Variants in EIF3D observed in about 807,000 individuals in gnomAD.
The protein encoded by EIF3D is eIF3 p66.
A neutral mutation model predicts 75.4 loss-of-function variants in EIF3D; 10 were observed. The observed-to-expected ratio is 0.13, with a 90% CI of 0.08 to 0.22. The LOEUF is 0.22. Ranked by LOEUF, EIF3D falls within the 10% of genes least tolerant of loss-of-function variation. The pLI is 1.00. For synonymous variants in EIF3D, 246 were observed against 248.3 expected (o/e 0.99, Z 0.09); for missense variants, 394 against 708.0 (o/e 0.56, Z 5.03).
chr22:36,518,455 C>T (rs1603498870), intron 9 of EIF3D, among the ~76,000 whole-genome samples: 1 of 151,448 alleles, frequency 6.6e-6, no homozygotes, highest in Non-Finnish European at 1.5e-5. Context: ...CGCCACTGCA[C>T]TCCAGCCTGG....
chr22:36,525,758 TTTC>T, intron 2 of EIF3D, 49 bp from the exon 3 acceptor site: 1 of 1,594,534 alleles, frequency 6.3e-7, no homozygotes. Context: ...ACCAGGCAAG[TTTC>T]TGCAGAACCA....
intron 6 of EIF3D, among the ~76,000 whole-genome samples, chr22:36,522,345 ACT>A (rs1934527012): frequency 1.3e-5 from 2 of 152,060 alleles, no homozygotes; most frequent in Non-Finnish European, 1.5e-5. Context: ...ACAGAGCAAG[ACT>A]CTGTCTCAAA....
intron 5 of EIF3D, among the ~76,000 whole-genome samples, 184 bp from the exon 6 acceptor site, chr22:36,523,465 C>A (rs1410254137): frequency 6.6e-6 from 1 of 152,200 alleles, no homozygotes; most frequent in African/African-American, 2.4e-5. Context: ...AGAAAAGGTA[C>A]ACTGCCTCCA....
intron 5 of EIF3D, 60 bp downstream of exon 5, chr22:36,523,835 G>A: frequency 6.7e-7 from 1 of 1,501,500 alleles, no homozygotes; most frequent in Non-Finnish European, 9.3e-7. Context: ...TTGGTCCTGT[G>A]GTTTCCAAAT....
chr22:36,523,101 C>T (rs905792657), intron 6 of EIF3D, 108 bp downstream of exon 6: 1 of 933,842 alleles, frequency 1.1e-6, no homozygotes, highest in Admixed American at 1.8e-5. Context: ...ATATTAAAAA[C>T]CACTAAATTG....
Position 36,518,881 on chromosome 22 carries a change from G to A in EIF3D, c.741C>T (p.Ala247=). 6.2e-7 allele frequency: 1 copy of A among 1,614,116 alleles called. No homozygotes were observed. The highest frequency in any genetic ancestry group is 1.1e-5 in the South Asian group (1 of 91,086). ...KLAKTQGNVF[A]TDAILATLMS... is the part of the protein sequence containing the mutation. ...TCAGCGTGGCCAGGATGGCATCAGT[G>A]GCAAACACATTCCCCTGAGTTTTTG... The change falls in exon 9 of 15, where the codon GCC becomes GCT. Residue 247 remains alanine, a synonymous_variant. Coordinates refer to ENST00000216190, the MANE Select transcript of EIF3D (RefSeq NM_003753.4).
At chr22:36,516,916 C>G in intron 10 of EIF3D, 126 bp from the exon 11 acceptor site, 6 of 816,944 alleles carry the variant, frequency 7.3e-6, no homozygotes. Context: ...TGATGGGGCT[C>G]TGAGCTCGCT....
chr22:36,526,628 G>C (rs1171753830), intron 1 of EIF3D, among the ~76,000 whole-genome samples: 3 of 128,714 alleles, frequency 2.3e-5, no homozygotes, highest in Non-Finnish European at 3.3e-5. Context: ...TTTTTTTTGA[G>C]ACAGAGTCTC....
At chr22:36,511,175 G>T in intron 14 of EIF3D, 175 bp from the exon 15 acceptor site, 1 of 866,442 alleles carries the variant, frequency 1.2e-6, no homozygotes, top group Non-Finnish European at 1.7e-6. Context: ...CCAGCTGGTG[G>T]AGCAGGAGAG....
chr22:36,520,428 T>C (rs1934494759), intron 7 of EIF3D, 148 bp downstream of exon 7: 2 of 526,840 alleles, frequency 3.8e-6, no homozygotes, highest in Non-Finnish European at 6.5e-6. Context: ...TTGATTTTTT[T>C]CAAATACCTC....
chr22:36,512,182 G>T (rs553687974), intron 13 of EIF3D, among the ~76,000 whole-genome samples: 7 of 152,226 alleles, frequency 4.6e-5, no homozygotes, highest in Non-Finnish European at 8.8e-5. Flanking sequence ...GAGCCACCGC[G>T]CCCGGCAGTC....
intron 1 of EIF3D, among the ~76,000 whole-genome samples, chr22:36,528,529 G>C (rs938547355): frequency 1.3e-4 from 19 of 150,296 alleles, no homozygotes; most frequent in African/African-American, 4.8e-4. Context: ...GGTTCCAAGA[G>C]GGCACTCAGA....
At position 36,510,892 on chromosome 22, in the gene EIF3D, A is replaced by G; in HGVS notation, c.*95T>C. On this transcript the variant is annotated 3_prime_UTR_variant, in exon 15 of 15. Coordinates refer to ENST00000216190, the MANE Select transcript of EIF3D (RefSeq NM_003753.4). ...AGATATATATTTTATTTCATCTGCT[A>G]AATGTCAGAGAGCAAGTTAGACACA... The G allele has an allele frequency of 7.1e-7, 1 of 1,400,746 alleles. No homozygotes were observed. Among genetic ancestry groups the G allele is most frequent in the South Asian group, 1.4e-5 (1 of 69,962 alleles). 86.8% of individuals were successfully genotyped at this position (1,400,746 alleles called of 1,614,324 possible).
At chr22:36,511,189 A>G (rs1934328092) in intron 14 of EIF3D, 189 bp from the exon 15 acceptor site, 2 of 834,452 alleles carry the variant, frequency 2.4e-6, no homozygotes, top group East Asian at 5.4e-5. Flanking sequence ...AGGAGAGACA[A>G]CTTTCAGGCT....
rs781192903 is a variant in EIF3D, at chr22:36,523,300, GA to G, written c.393-20del. ...GCGTTCTCTGGAAAGACAGACATATGATCTCAGTGCAGACCTTTAAACCAGT... is the reference window on the plus strand; with the variant it reads ...GCGTTCTCTGGAAAGACAGACATATGTCTCAGTGCAGACCTTTAAACCAGT... On this transcript the variant is annotated intron_variant, in intron 5 of 14. Transcript: ENST00000216190. 1 of 1,606,340 alleles carries G rather than the reference GA, an allele frequency of 6.2e-7. No individual in the cohort carries two copies. The highest frequency in any genetic ancestry group is 8.5e-7 in the Non-Finnish European group (1 of 1,174,206).
intron 6 of EIF3D, among the ~76,000 whole-genome samples, chr22:36,522,046 TCAAA>T (rs1166884218): frequency 1.3e-5 from 2 of 151,526 alleles, no homozygotes; most frequent in Non-Finnish European, 2.9e-5. Context: ...CAGATTTTCT[TCAAA>T]CAAACATGGA....
In EIF3D at chr22:36,511,011, C is replaced by A; in HGVS notation, c.1634-11G>T. The A allele has an allele frequency of 1.2e-6, 2 of 1,606,660 alleles. No homozygotes were observed. Among genetic ancestry groups the A allele is most frequent in the Non-Finnish European group, 1.7e-6 (2 of 1,177,746 alleles). On this transcript the variant is annotated splice_polypyrimidine_tract_variant and intron_variant, in intron 14 of 14. Coordinates refer to ENST00000216190, the MANE Select transcript of EIF3D (RefSeq NM_003753.4). ...TTTAAGTTTCTTCCTCTGAAAGACA[C>A]AAAAAATGTAAGAGAAATGAGCCAG...
At position 36,524,677 on chromosome 22, in the gene EIF3D, C is replaced by G. The variant is rs746704377; in HGVS notation, c.225G>C (p.Glu75Asp). ...GGSQYAYFHE[E>D]DESSFQLVDT... ...CCACCAGCTGGAAGCTACTTTCATC[C>G]TCCTCATGGAAATAAGCATATTGAC... is the stretch of plus-strand genomic sequence containing the variant. Residue 75 changes from glutamate (E) to aspartate (D), a missense_variant, in exon 4 of 15, where the codon GAG becomes GAC. Coordinates refer to ENST00000216190, the MANE Select transcript of EIF3D (RefSeq NM_003753.4). 29 of 1,614,080 alleles carry G rather than the reference C, an allele frequency of 1.8e-5. No individual in the cohort carries two copies. The highest frequency in any genetic ancestry group is 2.7e-5 in the African/African-American group (2 of 74,908).
Position 36,510,952 on chromosome 22 carries a change from G to A in EIF3D, c.*35C>T, listed in dbSNP as rs774283036. 3.8e-6 allele frequency: 6 copies of A among 1,594,938 alleles called. No homozygotes were observed. Among genetic ancestry groups the A allele is most frequent in the African/African-American group, 1.4e-5 (1 of 73,524 alleles). ...AAGCATCAAAGGCCCTCGTAGTCTC[G>A]GTGGAAGGACAAACTCCAGCTCCAC... On this transcript the variant is annotated 3_prime_UTR_variant, in exon 15 of 15. Coordinates refer to ENST00000216190, the MANE Select transcript of EIF3D (RefSeq NM_003753.4).
Sources: gnomAD v4.1 joint callset for allele counts (sites outside exome capture counted in the v4.1 genomes callset) on GRCh38, gnomAD v4.1.1 for gene constraint, MANE v1.5 for transcripts, NCBI Gene and HGNC (gene_info 2026-07-23, HGNC 2026-07-21) for gene names.